The following CEACAM21 variants were observed in gnomAD, a reference collection of about 807,000 sequenced individuals.
CEACAM21 encodes the protein CEA cell adhesion molecule 21.
CEACAM21 carries 38 observed loss-of-function variants against 33.2 expected under a neutral mutation model. The observed-to-expected ratio is 1.14, with a 90% CI of 0.88 to 1.50. The LOEUF is 1.50. Among genes scored for constraint, CEACAM21 ranks in the 40% most tolerant of loss-of-function variants. The pLI is 0.00. For synonymous variants in CEACAM21, 156 were observed against 143.0 expected, an observed-to-expected ratio of 1.09 and a Z score of -0.65; for missense variants, 385 against 364.6, an observed-to-expected ratio of 1.06 and a Z score of -0.46.
At chr19:41,568,235 C>G (rs1165351595) in intron 2 of CEACAM21, among the ~76,000 whole-genome samples, 2 of 151,980 alleles carry the variant, frequency 1.3e-5, no homozygotes, top group Non-Finnish European at 2.9e-5. Flanking sequence ...TAGGTTGTCT[C>G]TTTGCTCTGC....
chr19:41,563,668 T>G (rs1555787469), intron 1 of CEACAM21, among the ~76,000 whole-genome samples: 2 of 152,260 alleles, frequency 1.3e-5, no homozygotes, highest in African/African-American at 4.8e-5. Context: ...GCTGCTCTGC[T>G]GCAGAGAAAA....
At chr19:41,554,844 C>T (rs1280835148) in intron 1 of CEACAM21, 3 of 152,014 alleles carry the variant, frequency 2.0e-5, no homozygotes, top group African/African-American at 7.2e-5. Context: ...AATATGTTTA[C>T]ACACAAAAAT....
At chr19:41,582,546 G>A (rs1158542858) in intron 3 of CEACAM21, among the ~76,000 whole-genome samples, 2 of 152,248 alleles carry the variant, frequency 1.3e-5, no homozygotes, top group African/African-American at 4.8e-5. Context: ...GGACATCCAA[G>A]CATTTTCATA....
At chr19:41,555,248 T>C (rs2041463740) in intron 1 of CEACAM21, 1 of 151,612 alleles carries the variant, frequency 6.6e-6, no homozygotes, top group South Asian at 2.1e-4. Context: ...GCTTCACTCA[T>C]CTACTCCTTT....
intron 2 of CEACAM21, among the ~76,000 whole-genome samples, chr19:41,578,303 C>CT (rs34093847): frequency 0.22 from 32,000 of 142,426 alleles, 3,761 homozygotes; most frequent in African/African-American, 0.32. Flanking sequence ...CCAGAGAACT[C>CT]TTTTTTTTTT....
chr19:41,574,021 C>G (rs2042774060), upstream of CEACAM21, among the ~76,000 whole-genome samples: 1 of 152,188 alleles, frequency 6.6e-6, no homozygotes, highest in South Asian at 2.1e-4. Flanking sequence ...GGAATAGAAT[C>G]AAGAGTCCAG....
intron 3 of CEACAM21, among the ~76,000 whole-genome samples, chr19:41,583,919 T>G (rs1555794242): frequency 6.6e-6 from 1 of 151,742 alleles, no homozygotes; most frequent in African/African-American, 2.4e-5. Flanking sequence ...GCAGGTAGAT[T>G]GATTCCCACT....
intron 2 of CEACAM21, among the ~76,000 whole-genome samples, chr19:41,578,363 G>A (rs974857122): frequency 9.3e-5 from 14 of 150,376 alleles, no homozygotes; most frequent in African/African-American, 3.2e-4. Flanking sequence ...GCTATTCTGT[G>A]CCAAGCTTTA....
In CEACAM21 at chr19:41,579,364, C is replaced by T; in HGVS notation, c.436C>T (p.Gln146Ter). 1 of 1,613,982 alleles carries T rather than the reference C, an allele frequency of 6.2e-7. No individual in the cohort carries two copies. Among genetic ancestry groups the T allele is most frequent in the Non-Finnish European group, 8.5e-7 (1 of 1,179,886 alleles). Residue 146 changes from glutamine to a stop codon, truncating the protein, a stop_gained, in exon 3 of 7, where the codon CAG (glutamine) becomes TAG (stop). Transcript: ENST00000401445. LOFTEE classifies it high-confidence loss of function. ...CACTCTATCCACAGAGTCAGTGGCT[C>T]AGCCCTCCATCCAAGCCAGCAGCAC... The part of the protein sequence containing the change: ...HHLRVYESVA[Q>*]PSIQASSTTV...
intron 2 of CEACAM21, among the ~76,000 whole-genome samples, chr19:41,578,183 T>G (rs2043095897): frequency 6.6e-6 from 1 of 152,044 alleles, no homozygotes; most frequent in Non-Finnish European, 1.5e-5. Flanking sequence ...CCCAGGCCAT[T>G]AAACTGGATG....
At chr19:41,585,641 A>G (rs1411441083) in intron 5 of CEACAM21, 146 bp downstream of exon 5, 5 of 1,085,484 alleles carry the variant, frequency 4.6e-6, no homozygotes, top group South Asian at 1.4e-5. Flanking sequence ...GGAAACCCCA[A>G]CTGGCCGGGT....
intron 1 of CEACAM21, 87 bp downstream of exon 1, chr19:41,576,425 G>C (rs547080026): frequency 7.2e-7 from 1 of 1,392,692 alleles, no homozygotes; most frequent in East Asian, 2.5e-5. Context: ...GCTCTGAGAG[G>C]AGACAGAGGG....
intron 1 of CEACAM21, chr19:41,555,210 G>A (rs1468842691): frequency 1.3e-5 from 2 of 151,178 alleles, no homozygotes; most frequent in Non-Finnish European, 2.9e-5. Flanking sequence ...CTTTGCACAG[G>A]TATCCAACCC....
At chr19:41,570,508 G>C (rs2042532306) in intron 2 of CEACAM21, among the ~76,000 whole-genome samples, 1 of 152,204 alleles carries the variant, frequency 6.6e-6, no homozygotes, top group African/African-American at 2.4e-5. Flanking sequence ...GCAAGAAGGA[G>C]ATGAGAGGCC....
At chr19:41,580,488 T>A (rs1239535279) in intron 3 of CEACAM21, among the ~76,000 whole-genome samples, 3 of 152,234 alleles carry the variant, frequency 2.0e-5, no homozygotes, top group Non-Finnish European at 4.4e-5. Context: ...GAGCTTCTTA[T>A]GACTGGCTTC....
intron 3 of CEACAM21, among the ~76,000 whole-genome samples, chr19:41,580,128 T>C (rs2043263045): frequency 6.6e-6 from 1 of 152,140 alleles, no homozygotes; most frequent in Non-Finnish European, 1.5e-5. Context: ...TACTGAATCT[T>C]AATTGAAGTA....
chr19:41,551,160 C>CGT (rs1177592382), intron 1 of CEACAM21: 1 of 129,372 alleles, frequency 7.7e-6, no homozygotes, highest in African/African-American at 3.0e-5. Context: ...TTTCCTTTTC[C>CGT]TTTTTTTTTT....
At chr19:41,573,941 A>G (rs532854724), upstream of CEACAM21, among the ~76,000 whole-genome samples, 5 of 152,342 alleles carry the variant, frequency 3.3e-5, no homozygotes, top group African/African-American at 1.2e-4. Flanking sequence ...TCCTAATTTG[A>G]AAACTTACTA....
Position 41,579,489 on chromosome 19 carries a change from G to A in CEACAM21, c.561G>A (p.Thr187=), listed in dbSNP as rs1241267641. ...WIFNNQRLQV[T]KRMKLSWFNH... ...TCAACAACCAGCGTCTGCAGGTCAC[G>A]AAGAGGATGAAGCTGTCCTGGTTTA... is the stretch of plus-strand genomic sequence containing the variant. The change falls in exon 3 of 7, where the codon ACG becomes ACA. Residue 187 remains threonine, a synonymous_variant. Coordinates refer to ENST00000401445, the MANE Select transcript of CEACAM21 (RefSeq NM_001098506.4). 39 of 1,613,744 alleles carry A rather than the reference G, an allele frequency of 2.4e-5. No individual in the cohort carries two copies. The highest frequency in any genetic ancestry group is 1.1e-4 in the African/African-American group (8 of 74,890).
Sources: gnomAD v4.1 joint callset for allele counts (sites outside exome capture counted in the v4.1 genomes callset) on GRCh38, gnomAD v4.1.1 for gene constraint, MANE v1.5 for transcripts, NCBI Gene and HGNC (gene_info 2026-07-23, HGNC 2026-07-21) for gene names.